AUH: variants seen among roughly 807,000 people sequenced by gnomAD.
AUH encodes the protein methylglutaconyl-CoA hydratase, mitochondrial.
Under a neutral mutation model 42.3 loss-of-function variants are expected in AUH, and 29 were observed. The observed-to-expected ratio is 0.69, with a 90% CI of 0.51 to 0.93. The LOEUF is 0.93. AUH is among the 40% of genes least tolerant of loss of function. The pLI is 0.00. For missense variants in AUH, 452 were observed against 438.1 expected, an observed-to-expected ratio of 1.03 and a Z score of -0.28; for synonymous variants, 174 against 166.4, an observed-to-expected ratio of 1.05 and a Z score of -0.35.
intron 6 of AUH, among the ~76,000 whole-genome samples, chr9:91,226,425 G>A (rs1413204904): frequency 5.3e-5 from 8 of 150,466 alleles, no homozygotes; most frequent in African/African-American, 1.9e-4. Context: ...AAATTTGTTT[G>A]AGTTCATTGT....
intron 6 of AUH, among the ~76,000 whole-genome samples, chr9:91,228,930 A>G (rs1453194560): frequency 2.0e-5 from 3 of 152,056 alleles, no homozygotes; most frequent in African/African-American, 7.2e-5. Context: ...AGTTTGTTTT[A>G]ATTTCTGTTA....
intron 5 of AUH, among the ~76,000 whole-genome samples, chr9:91,297,598 AT>A (rs1002793689): frequency 6.5e-4 from 94 of 145,176 alleles, no homozygotes; most frequent in South Asian, 6.6e-4. Context: ...TTCCTTTTTA[AT>A]TTTTTTTTTT....
intron 3 of AUH, among the ~76,000 whole-genome samples, chr9:91,327,466 C>T (rs1191972823): frequency 6.6e-6 from 1 of 152,158 alleles, no homozygotes; most frequent in Non-Finnish European, 1.5e-5. Flanking sequence ...AGCACACACA[C>T]CTCCATTCTA....
intron 5 of AUH, among the ~76,000 whole-genome samples, chr9:91,296,457 T>C (rs1050108662): frequency 5.9e-5 from 9 of 152,190 alleles, no homozygotes; most frequent in Admixed American, 3.9e-4. Context: ...TGCCTGAATA[T>C]AGTCCCCCAG....
intron 6 of AUH, among the ~76,000 whole-genome samples, chr9:91,256,704 T>A (rs1236019192): frequency 6.6e-6 from 1 of 151,924 alleles, no homozygotes; most frequent in Admixed American, 6.6e-5. Flanking sequence ...GCACAGCCCC[T>A]CCTTCTACTG....
At chr9:91,249,200 G>C (rs143777780) in intron 6 of AUH, among the ~76,000 whole-genome samples, 1 of 148,584 alleles carries the variant, frequency 6.7e-6, no homozygotes, top group East Asian at 2.0e-4. Flanking sequence ...GGGGGGCTAA[G>C]GTGGGGGGAT....
intron 6 of AUH, among the ~76,000 whole-genome samples, chr9:91,253,711 A>G (rs1171323938): frequency 6.6e-6 from 1 of 152,228 alleles, no homozygotes; most frequent in Non-Finnish European, 1.5e-5. Flanking sequence ...TGCTCACTGA[A>G]GCAGTTTCTG....
Position 91,361,483 on chromosome 9 carries a change from G to A in AUH, c.262+145C>T, listed in dbSNP as rs1832847462. The A allele has an allele frequency of 3.5e-6, 4 of 1,127,166 alleles. No individual in the cohort carries two copies. The South Asian group carries it at 4.8e-5, about 13-fold the overall frequency. The allele number at this position is 1,127,166 out of a possible 1,614,324, so 69.8% of individuals were successfully genotyped here. A position where few individuals can be genotyped will look rare whatever the true frequency, so the allele number is the denominator to read the frequency against. On this transcript the variant is annotated intron_variant, in intron 1 of 9. Coordinates refer to ENST00000375731, the MANE Select transcript of AUH (RefSeq NM_001698.3). ...GGAAGCGGCCACGCTGGGTGAGTAG[G>A]GAGGTGAGAAAGGGGAGGGACCCAG...
chr9:91,229,849 A>C (rs905155343), intron 6 of AUH, among the ~76,000 whole-genome samples: 8 of 151,186 alleles, frequency 5.3e-5, no homozygotes, highest in Admixed American at 1.3e-4. Flanking sequence ...TTCTGGGTTG[A>C]AAATTCTTTT....
At chr9:91,261,867 T>C (rs1320425514) in intron 6 of AUH, among the ~76,000 whole-genome samples, 1 of 152,244 alleles carries the variant, frequency 6.6e-6, no homozygotes, top group Non-Finnish European at 1.5e-5. Context: ...ATTTGGTCTC[T>C]GTTACTCTGT....
At chr9:91,295,401 T>C (rs1044544617) in intron 6 of AUH, among the ~76,000 whole-genome samples, 3 of 152,234 alleles carry the variant, frequency 2.0e-5, no homozygotes, top group Admixed American at 6.5e-5. Context: ...ATAAACTTAG[T>C]TGATAAAGCA....
chr9:91,310,617 T>C (rs562790652), intron 4 of AUH, among the ~76,000 whole-genome samples: 1 of 152,334 alleles, frequency 6.6e-6, no homozygotes, highest in Non-Finnish European at 1.5e-5. Flanking sequence ...TAACAATGTA[T>C]AAAATCTAAA....
chr9:91,300,376 C>T (rs1827689878), intron 4 of AUH, among the ~76,000 whole-genome samples: 1 of 152,196 alleles, frequency 6.6e-6, no homozygotes, highest in Admixed American at 6.5e-5. Flanking sequence ...AATCCTTCTT[C>T]TAGGCTGTAT....
intron 7 of AUH, among the ~76,000 whole-genome samples, 173 bp downstream of exon 7, chr9:91,220,632 C>T (rs1031930331): frequency 6.6e-6 from 1 of 152,180 alleles, no homozygotes; most frequent in Non-Finnish European, 1.5e-5. Context: ...CAGAATTCCA[C>T]AGGATCATAG....
rs568315045 is a variant in AUH, at chr9:91,252,079, G to T, written c.656-31087C>A. ...CCTCCCCGGTTCAAGTGATTCTTCT[G>T]CCTCCGCCTCCTCAGTAGCTGGGAC... On this transcript the variant is annotated intron_variant, in intron 6 of 9. Coordinates refer to ENST00000375731, the MANE Select transcript of AUH (RefSeq NM_001698.3). Among the ~76,000 whole-genome samples, 21 of 152,048 alleles carry T rather than the reference G, an allele frequency of 1.4e-4. No homozygotes were observed. The South Asian group carries it at 4.4e-3, about 32-fold the overall frequency.
At chr9:91,295,897 T>G (rs956856752) in intron 6 of AUH, 124 bp downstream of exon 6, 1 of 1,082,434 alleles carries the variant, frequency 9.2e-7, no homozygotes, top group African/African-American at 1.6e-5. Flanking sequence ...TTGCTAGGGA[T>G]GCAAACAATA....
intron 6 of AUH, among the ~76,000 whole-genome samples, chr9:91,288,619 A>G (rs1329008667): frequency 6.6e-6 from 1 of 152,176 alleles, no homozygotes; most frequent in Admixed American, 6.6e-5. Flanking sequence ...ATTACAAATA[A>G]AAGCATTGGT....
At chr9:91,322,620 C>G (rs141317870) in intron 4 of AUH, among the ~76,000 whole-genome samples, 5 of 152,154 alleles carry the variant, frequency 3.3e-5, no homozygotes, top group Non-Finnish European at 7.4e-5. Flanking sequence ...TTCTACAATT[C>G]TTTCAAGTAA....
At chr9:91,286,306 G>A (rs1183433056) in intron 6 of AUH, among the ~76,000 whole-genome samples, 1 of 152,022 alleles carries the variant, frequency 6.6e-6, no homozygotes. Flanking sequence ...CAACAATGAT[G>A]TACAGTAATG....
Sources: allele counts gnomAD v4.1 joint callset (sites outside exome capture counted in the v4.1 genomes callset), GRCh38; gene constraint gnomAD v4.1.1; transcripts MANE v1.5; gene names NCBI Gene and HGNC (gene_info 2026-07-23, HGNC 2026-07-21).